Variants in ANKRD30B observed in about 807,000 individuals in gnomAD.
The protein encoded by ANKRD30B is ankyrin repeat domain 30B.
Under a neutral mutation model 202.2 loss-of-function variants are expected in ANKRD30B, and 144 were observed. The ratio of observed to expected loss-of-function variants is 0.71; its 90% CI spans 0.62 to 0.82. The LOEUF (loss-of-function observed/expected upper bound fraction) is 0.82. Among genes scored for constraint, ANKRD30B ranks in the 40% least tolerant of loss-of-function variants. ANKRD30B has a pLI of 0.00. For synonymous variants in ANKRD30B, 508 were observed against 561.3 expected, an observed-to-expected ratio of 0.91 and a Z score of 1.34; for missense variants, 1,487 against 1,669.1, an observed-to-expected ratio of 0.89 and a Z score of 1.90.
chr18:14,809,080 G>A (rs144122446), intron 26 of ANKRD30B, among the ~76,000 whole-genome samples: 2,415 of 144,620 alleles, frequency 0.017, 160 homozygotes, highest in African/African-American at 0.06. Context: ...TCACAGCCTT[G>A]TGTTCCCGTG....
chr18:14,881,328 A>G, the ANKRD30B span, among the ~76,000 whole-genome samples: 3 of 152,162 alleles, frequency 2.0e-5, no homozygotes, highest in African/African-American at 4.8e-5. Context: ...CTTTTTCTGC[A>G]TCTGTTGATA....
intron 33 of ANKRD30B, among the ~76,000 whole-genome samples, chr18:14,830,568 C>T (rs553836111): frequency 6.6e-6 from 1 of 152,098 alleles, no homozygotes. Flanking sequence ...GGTTTTTATG[C>T]TGAAAAACAA....
intron 24 of ANKRD30B, among the ~76,000 whole-genome samples, chr18:14,806,206 C>T (rs1237702215): frequency 2.2e-5 from 3 of 136,442 alleles, no homozygotes; most frequent in Non-Finnish European, 3.1e-5. Flanking sequence ...GGTGACAGGG[C>T]GAGACACCGC....
intron 34 of ANKRD30B, among the ~76,000 whole-genome samples, chr18:14,832,748 C>A (rs1404328315): frequency 6.6e-6 from 1 of 151,996 alleles, no homozygotes; most frequent in Non-Finnish European, 1.5e-5. Context: ...TTTATATTTT[C>A]TTTTAATATT....
intron 8 of ANKRD30B, 42 bp from the exon 9 acceptor site, chr18:14,772,114 A>G: frequency 7.8e-7 from 1 of 1,275,804 alleles, no homozygotes; most frequent in Non-Finnish European, 1.0e-6. Flanking sequence ...CTTTTTAAAT[A>G]TATGAATTTG....
At position 14,850,197 on chromosome 18, in the gene ANKRD30B, A is replaced by C. The variant is rs750013588; in HGVS notation, c.3396-17A>C. On this transcript the variant is annotated splice_polypyrimidine_tract_variant and intron_variant, in intron 40 of 43. Transcript: ENST00000690538. ...TTCTAACAAAATGAATTTTAAGATA[A>C]GTATGTTTAATGGCAGATTGACTTT... 20 of 1,452,750 alleles carry C rather than the reference A, an allele frequency of 1.4e-5. No individual in the cohort carries two copies. In the African/African-American group the frequency reaches 2.8e-4, roughly 20 times the overall value. 90.0% of individuals were successfully genotyped at this position (1,452,750 alleles called of 1,614,324 possible).
At chr18:14,862,395 AAAG>A in the ANKRD30B span, among the ~76,000 whole-genome samples, 8 of 152,280 alleles carry the variant, frequency 5.3e-5, no homozygotes, top group East Asian at 1.9e-4. Flanking sequence ...ATACAAGAAA[AAAG>A]AAGATTCCAA....
chr18:14,814,646 A>T lies in ANKRD30B; in HGVS notation c.2576A>T (p.Asn859Ile). The T allele has an allele frequency of 8.5e-7, 1 of 1,180,746 alleles. No homozygotes were observed. The allele number at this position is 1,180,746 out of a possible 1,614,324, so 73.1% of individuals were successfully genotyped here. A position where few individuals can be genotyped will look rare whatever the true frequency, so the allele number is the denominator to read the frequency against. The change falls in exon 30 of 44, where the codon AAT (asparagine) becomes ATT (isoleucine). Residue 859 changes from asparagine (N) to isoleucine (I), a missense_variant. Around this residue, in one of 6 missense-constraint regions of ANKRD30B, gnomAD observed 218 missense variants for 320.1 expected, o/e 0.68. Coordinates refer to ENST00000690538, the MANE Select transcript of ANKRD30B (RefSeq NM_001367607.2). ...AGTTTCCTTGAGGCTCTCTTACAGA[A>T]TGATGGGTGTTTACCCAAGGCTACA... ...FESFLEALLQ[N>I]DGCLPKATHQ...
chr18:14,920,692 A>G, the ANKRD30B span, among the ~76,000 whole-genome samples: 1 of 152,190 alleles, frequency 6.6e-6, no homozygotes, highest in Non-Finnish European at 1.5e-5. Context: ...CCAGGCTGAA[A>G]GTGTAGTAGG....
chr18:14,844,191 T>G (rs1332710092), intron 39 of ANKRD30B, among the ~76,000 whole-genome samples: 2 of 152,226 alleles, frequency 1.3e-5, no homozygotes, highest in African/African-American at 4.8e-5. Flanking sequence ...CTAATTAAAA[T>G]TTGTTTATGC....
the ANKRD30B span, among the ~76,000 whole-genome samples, chr18:14,908,455 C>A: frequency 1.3e-5 from 2 of 152,144 alleles, no homozygotes; most frequent in East Asian, 3.9e-4. Context: ...TGTAGAACAT[C>A]TCCTAATTCT....
At chr18:14,764,463 G>A (rs1343898245) in intron 7 of ANKRD30B, among the ~76,000 whole-genome samples, 5 of 151,956 alleles carry the variant, frequency 3.3e-5, no homozygotes, top group Non-Finnish European at 5.9e-5. Flanking sequence ...GAGCGATCTC[G>A]GCTCACTGCA....
chr18:14,880,852 A>G, the ANKRD30B span, among the ~76,000 whole-genome samples: 1 of 152,108 alleles, frequency 6.6e-6, no homozygotes, highest in South Asian at 2.1e-4. Flanking sequence ...CAGCTATTGT[A>G]AAAGGGATTG....
chr18:14,873,888 C>A, the ANKRD30B span, among the ~76,000 whole-genome samples: 3 of 152,132 alleles, frequency 2.0e-5, no homozygotes, highest in African/African-American at 7.2e-5. Context: ...GTGCACTCCT[C>A]ATTAGGGAGA....
intron 2 of ANKRD30B, 31 bp downstream of exon 2, chr18:14,752,711 A>T: frequency 6.4e-7 from 1 of 1,571,256 alleles, no homozygotes; most frequent in Middle Eastern, 1.7e-4. Context: ...TCAGCGGGAG[A>T]TGGATTTGGT....
intron 34 of ANKRD30B, among the ~76,000 whole-genome samples, chr18:14,833,215 C>T (rs561083267): frequency 6.6e-6 from 1 of 151,014 alleles, no homozygotes; most frequent in South Asian, 2.1e-4. Context: ...GGATTACAGG[C>T]GAGAACCACC....
chr18:14,822,613 TG>T lies in ANKRD30B; in HGVS notation c.2681del (p.Gly894GlufsTer2). On this transcript the variant is annotated frameshift_variant, in exon 32 of 44. Coordinates refer to ENST00000690538, the MANE Select transcript of ANKRD30B (RefSeq NM_001367607.2). LOFTEE classifies it high-confidence loss of function. ...TTTCCAAACCCATTTAGCCTACCTG[TG>T]GAATGAAAATTTCTCTTCCAAATAA... ...DKDGLLKPTC[G>X]MKISLPNKAL... 7.0e-7 allele frequency: 1 copy of T among 1,432,960 alleles called. No homozygotes were observed. Among genetic ancestry groups the T allele is most frequent in the South Asian group, 1.3e-5 (1 of 77,952 alleles). The allele number at this position is 1,432,960 out of a possible 1,614,324, so 88.8% of individuals were successfully genotyped here. A position where few individuals can be genotyped will look rare whatever the true frequency, so the allele number is the denominator to read the frequency against.
At chr18:14,846,385 C>T (rs1461104230) in intron 39 of ANKRD30B, among the ~76,000 whole-genome samples, 1 of 151,718 alleles carries the variant, frequency 6.6e-6, no homozygotes, top group African/African-American at 2.4e-5. Context: ...TTTTGTATGA[C>T]TTAAATCCTT....
the ANKRD30B span, among the ~76,000 whole-genome samples, chr18:14,866,885 G>C: frequency 1.3e-5 from 2 of 151,960 alleles, no homozygotes; most frequent in African/African-American, 4.8e-5. Context: ...GGGGGTTAGG[G>C]GAATTAGCTG....
Sources: gnomAD v4.1 joint callset for allele counts (sites outside exome capture counted in the v4.1 genomes callset) on GRCh38, gnomAD v4.1.1 for gene constraint, gnomAD v4.1.1 regional missense constraint, MANE v1.5 for transcripts, NCBI Gene and HGNC (gene_info 2026-07-23, HGNC 2026-07-21) for gene names.